Variants in SORCS3 observed in about 807,000 individuals in gnomAD.
The protein encoded by SORCS3 is sortilin related VPS10 domain containing receptor 3, also known as VPS10 domain-containing receptor SorCS3.
In SORCS3, 57 loss-of-function variants were observed where a neutral mutation model predicts 146.3. The ratio of observed to expected loss-of-function variants is 0.39; its 90% CI spans 0.31 to 0.49. The LOEUF (loss-of-function observed/expected upper bound fraction) is 0.49, where lower values mean the gene tolerates loss of function less well. Ranked by LOEUF, SORCS3 falls within the 20% of genes least tolerant of loss-of-function variation. The pLI, the probability that SORCS3 is intolerant of heterozygous loss-of-function variation, is 0.92. For synonymous variants in SORCS3, 653 were observed against 618.5 expected, an observed-to-expected ratio of 1.06 and a Z score of -0.83; for missense variants, 1,341 against 1,575.5, an observed-to-expected ratio of 0.85 and a Z score of 2.52.
At chr10:104,774,469 C>T (rs930447594) in intron 1 of SORCS3, among the ~76,000 whole-genome samples, 1 of 152,284 alleles carries the variant, frequency 6.6e-6, no homozygotes, top group Admixed American at 6.5e-5. Flanking sequence ...TGGTGTCTGC[C>T]ATGTGTTGAT....
At chr10:104,708,270 C>T (rs897170440) in intron 1 of SORCS3, among the ~76,000 whole-genome samples, 1 of 152,144 alleles carries the variant, frequency 6.6e-6, no homozygotes, top group African/African-American at 2.4e-5. Flanking sequence ...ATTGGTGCCC[C>T]GGATCAGCCC....
intron 1 of SORCS3, among the ~76,000 whole-genome samples, chr10:104,688,783 C>T (rs1216303699): frequency 6.6e-6 from 1 of 152,208 alleles, no homozygotes; most frequent in Non-Finnish European, 1.5e-5. Flanking sequence ...GTTCCATACC[C>T]ACAGACTCTA....
chr10:105,038,732 C>G (rs2055320962), intron 4 of SORCS3, among the ~76,000 whole-genome samples: 1 of 152,052 alleles, frequency 6.6e-6, no homozygotes, highest in African/African-American at 2.4e-5. Flanking sequence ...TTTTGTAATA[C>G]TTTAACATCG....
intron 5 of SORCS3, among the ~76,000 whole-genome samples, chr10:105,057,816 A>G (rs552214569): frequency 6.6e-6 from 1 of 152,278 alleles, no homozygotes; most frequent in African/African-American, 2.4e-5. Flanking sequence ...ACATGTCTGT[A>G]TTTCTGAACG....
At chr10:104,767,596 A>C (rs1169232212) in intron 1 of SORCS3, among the ~76,000 whole-genome samples, 5 of 79,410 alleles carry the variant, frequency 6.3e-5, no homozygotes, top group East Asian at 6.2e-4. Context: ...CCTTGTTTTT[A>C]TTCCTCCCCC....
intron 9 of SORCS3, among the ~76,000 whole-genome samples, chr10:105,151,704 AT>A (rs1181645886): frequency 1.3e-5 from 2 of 151,800 alleles, no homozygotes; most frequent in Non-Finnish European, 1.5e-5. Flanking sequence ...ACCAATGGAG[AT>A]CAACCCCACT....
At chr10:105,092,453 T>C (rs2055716818) in intron 6 of SORCS3, among the ~76,000 whole-genome samples, 1 of 152,180 alleles carries the variant, frequency 6.6e-6, no homozygotes, top group African/African-American at 2.4e-5. Flanking sequence ...GCTTTTTCAA[T>C]CTAGTAAATT....
At chr10:105,161,903 G>T (rs913957179) in intron 11 of SORCS3, among the ~76,000 whole-genome samples, 1 of 151,974 alleles carries the variant, frequency 6.6e-6, no homozygotes, top group African/African-American at 2.4e-5. Context: ...GCCCCTTTCC[G>T]TGCCAGCTCC....
intron 3 of SORCS3, among the ~76,000 whole-genome samples, chr10:104,930,601 A>G (rs2019197132): frequency 6.6e-6 from 1 of 152,230 alleles, no homozygotes; most frequent in Non-Finnish European, 1.5e-5. Context: ...TGGGGGCAGT[A>G]AATAGCCTTT....
intron 5 of SORCS3, among the ~76,000 whole-genome samples, chr10:105,082,078 C>G (rs370398542): frequency 3.3e-5 from 5 of 152,308 alleles, no homozygotes; most frequent in East Asian, 3.9e-4. Context: ...TCAATTGATA[C>G]ACTATCCAGT....
rs188582421 is a variant in SORCS3, at chr10:104,951,613, G to A, written c.796-25722G>A. 3.6e-3 allele frequency among the ~76,000 whole-genome samples: 547 copies of A among 152,188 alleles called. 7 individuals carry two copies. The highest frequency in any genetic ancestry group is 0.012 in the African/African-American group (508 of 41,512). Reference sequence around the variant, plus strand: ...TCTCACCTCAACCTCCCAAACTACCGGGATTACAGGTGTGAGCCACCATGG... The same window carrying A: ...TCTCACCTCAACCTCCCAAACTACCAGGATTACAGGTGTGAGCCACCATGG... On this transcript the variant is annotated intron_variant, in intron 3 of 26. Transcript: ENST00000369701.
At chr10:105,124,129 A>G (rs762713748) in intron 7 of SORCS3, among the ~76,000 whole-genome samples, 1 of 152,130 alleles carries the variant, frequency 6.6e-6, no homozygotes, top group Non-Finnish European at 1.5e-5. Context: ...TTTATTTTTA[A>G]CTTCTTTCTC....
At chr10:104,647,657 G>A (rs754993124) in intron 1 of SORCS3, among the ~76,000 whole-genome samples, 1 of 152,192 alleles carries the variant, frequency 6.6e-6, no homozygotes, top group African/African-American at 2.4e-5. Context: ...CACCTGGGGA[G>A]TTGGACTGTG....
At chr10:105,076,733 C>T (rs1180880710) in intron 5 of SORCS3, among the ~76,000 whole-genome samples, 3 of 152,184 alleles carry the variant, frequency 2.0e-5, no homozygotes, top group Non-Finnish European at 4.4e-5. Context: ...ATGCTGTAAA[C>T]AAATGGGCCA....
intron 20 of SORCS3, among the ~76,000 whole-genome samples, chr10:105,231,748 T>C (rs1444355484): frequency 2.0e-5 from 3 of 152,182 alleles, no homozygotes; most frequent in African/African-American, 7.2e-5. Context: ...TTAAATGCTT[T>C]TTCTGCATAG....
chr10:104,975,179 A>G (rs1291522369), intron 3 of SORCS3, among the ~76,000 whole-genome samples: 1 of 152,150 alleles, frequency 6.6e-6, no homozygotes, highest in African/African-American at 2.4e-5. Context: ...TCAGCCCAAA[A>G]TCTCCTTAAG....
rs74157441 is a variant in SORCS3 at position 105,117,771 on chromosome 10, A to G, written c.1212+12256A>G. On this transcript the variant is annotated intron_variant, in intron 7 of 26. Transcript: ENST00000369701. ...GACTGACTTCTGCCTCTGCCACTGC[A>G]TTGAAATTGCTTTTGCCAAGTTCAT... Among the ~76,000 whole-genome samples the G allele has an allele frequency of 1.9e-3, 284 of 152,326 alleles. 1 individual carries two copies. The highest frequency in any genetic ancestry group is 6.5e-3 in the African/African-American group (270 of 41,582).
chr10:104,835,504 C>T (rs1010541063), intron 1 of SORCS3, among the ~76,000 whole-genome samples: 11 of 152,184 alleles, frequency 7.2e-5, no homozygotes, highest in African/African-American at 2.7e-4. Flanking sequence ...AATTTTCCTT[C>T]AGAGTAAAAT....
At chr10:105,084,577 G>A (rs1303296778) in intron 5 of SORCS3, among the ~76,000 whole-genome samples, 3 of 152,126 alleles carry the variant, frequency 2.0e-5, no homozygotes, top group African/African-American at 7.2e-5. Flanking sequence ...GAGTTGTTAT[G>A]GTTCTAAATA....
Sources: allele counts gnomAD v4.1 joint callset (sites outside exome capture counted in the v4.1 genomes callset), GRCh38; gene constraint gnomAD v4.1.1; transcripts MANE v1.5; gene names NCBI Gene and HGNC (gene_info 2026-07-23, HGNC 2026-07-21).